The following MZT2A variants were observed in gnomAD, a reference collection of about 807,000 sequenced individuals.
MZT2A encodes the protein mitotic spindle organizing protein 2A, also known as mitotic-spindle organizing protein 2A.
A neutral mutation model predicts 12.4 loss-of-function variants in MZT2A; 8 were observed. The ratio of observed to expected loss-of-function variants is 0.64; its 90% confidence interval spans 0.38 to 1.16. The LOEUF (loss-of-function observed/expected upper bound fraction) is 1.16, where lower values mean the gene tolerates loss of function less well. MZT2A is among the 50% of genes most tolerant of loss of function. The probability of loss-of-function intolerance (pLI) is 0.01; values close to 1 mark genes in which losing one functional copy is unlikely to be tolerated. For missense variants in MZT2A, 181 were observed against 223.6 expected (o/e 0.81, Z 1.22); for synonymous variants, 88 against 107.5 (o/e 0.82, Z 1.12).
chr2:131,478,229 G>C (rs1209645655), intron 2 of MZT2A: 1 of 1,614,114 alleles, frequency 6.2e-7, no homozygotes, highest in Non-Finnish European at 8.5e-7. Flanking sequence ...GCTGGGAACT[G>C]TACTGCCTTG....
intron 2 of MZT2A, chr2:131,476,253 G>A (rs373864477): frequency 1.1e-4 from 185 of 1,613,408 alleles, no homozygotes; most frequent in Non-Finnish European, 1.5e-4. Flanking sequence ...GACGAAGTTG[G>A]CCTCGGGTGG....
intron 2 of MZT2A, chr2:131,476,174 G>A: frequency 2.5e-6 from 4 of 1,613,862 alleles, no homozygotes; most frequent in Admixed American, 1.7e-5. Context: ...TGGCAGTAGC[G>A]TTGGGCTGAA....
intron 2 of MZT2A, chr2:131,490,480 G>A (rs1679246487): frequency 7.1e-7 from 1 of 1,406,104 alleles, no homozygotes; most frequent in Non-Finnish European, 9.3e-7. Context: ...TGGGGTGTGG[G>A]GATGTTGGTC....
At chr2:131,492,546 G>C, upstream of MZT2A, 1 of 1,137,332 alleles carries the variant, frequency 8.8e-7, no homozygotes, top group South Asian at 3.3e-5. Context: ...CCAACAGTTA[G>C]TGGGCGCTCA....
intron 3 of MZT2A, among the ~76,000 whole-genome samples, chr2:131,471,342 A>G (rs1704980758): frequency 7.1e-6 from 1 of 140,232 alleles, no homozygotes; most frequent in South Asian, 2.1e-4. Flanking sequence ...CTACAGGTCC[A>G]AGGACTTCAG....
chr2:131,492,144 G>A lies in MZT2A; in HGVS notation c.170+63C>T, dbSNP rs531990040. ...GCTCCTCCCGACCAGCGGGCCGGGCGTACCCGGAGAGCAGAGGTCGGGGGT... is the reference window on the plus strand; with the variant it reads ...GCTCCTCCCGACCAGCGGGCCGGGCATACCCGGAGAGCAGAGGTCGGGGGT... On this transcript the variant is annotated intron_variant, in intron 1 of 2. Transcript: ENST00000309451. 1,193 of 1,538,180 alleles carry A rather than the reference G, an allele frequency of 7.8e-4. 10 individuals carry two copies. In the African/African-American group the frequency reaches 0.015, roughly 19 times the overall value.
Position 131,490,365 on chromosome 2 carries a change from G to C in MZT2A, c.319+1511C>G. The stretch of plus-strand genomic sequence containing the variant: ...TAGGGGACAACTTCTAAGAGGCCGA[G>C]GCGTTTGTCACGCCTGGGGCTGTGC... On this transcript the variant is annotated intron_variant, in intron 2 of 2. Coordinates refer to ENST00000309451, the MANE Select transcript of MZT2A (RefSeq NM_001085365.2). The C allele has an allele frequency of 1.4e-5, 15 of 1,092,782 alleles. 1 individual carries two copies. The highest frequency in any genetic ancestry group is 1.7e-5 in the Non-Finnish European group (15 of 880,104). The allele number at this position is 1,092,782 out of a possible 1,614,324, so 67.7% of individuals were successfully genotyped here.
intron 2 of MZT2A, chr2:131,476,001 C>A: frequency 1.0e-6 from 1 of 962,932 alleles, no homozygotes; most frequent in South Asian, 1.6e-5. Context: ...CCCCAGTACA[C>A]ATGTTGAGCA....
chr2:131,483,230 G>A (rs1484038125), downstream of MZT2A, among the ~76,000 whole-genome samples: 1 of 152,212 alleles, frequency 6.6e-6, no homozygotes, highest in Non-Finnish European at 1.5e-5. Flanking sequence ...GGCTAAAAGG[G>A]AGACTAGAAG....
downstream of MZT2A, among the ~76,000 whole-genome samples, chr2:131,482,153 T>C (rs1031623988): frequency 2.0e-5 from 3 of 152,208 alleles, no homozygotes; most frequent in Non-Finnish European, 4.4e-5. Flanking sequence ...TGATGTTCCT[T>C]GTGATAGCAT....
At chr2:131,488,848 G>A (rs1679164678) in intron 2 of MZT2A, among the ~76,000 whole-genome samples, 1 of 152,090 alleles carries the variant, frequency 6.6e-6, no homozygotes, top group Non-Finnish European at 1.5e-5. Context: ...AGAAACAAAT[G>A]ACCCTGAGGG....
At chr2:131,476,497 G>A (rs1253938206) in intron 2 of MZT2A, among the ~76,000 whole-genome samples, 2 of 152,206 alleles carry the variant, frequency 1.3e-5, no homozygotes, top group Non-Finnish European at 2.9e-5. Context: ...GGAGGGCGCT[G>A]CTCCCGCTTC....
rs376172372 is a variant in MZT2A, at chr2:131,484,247, G to A, written c.320-29C>T. The A allele has an allele frequency of 6.3e-5, 102 of 1,607,200 alleles. No homozygotes were observed. The African/African-American group carries it at 1.1e-3, about 18-fold the overall frequency. ...AGGAGACACAAAGCACAATGATTAGGAATGGACGCGCCCCATAAATGCAGC... is the reference window on the plus strand; with the variant it reads ...AGGAGACACAAAGCACAATGATTAGAAATGGACGCGCCCCATAAATGCAGC... On this transcript the variant is annotated intron_variant, in intron 2 of 2. Transcript: ENST00000309451.
At chr2:131,483,929 TAAAA>T (rs59953699), downstream of MZT2A, 58 of 1,301,234 alleles carry the variant, frequency 4.5e-5, no homozygotes, top group East Asian at 5.1e-4. Flanking sequence ...TGCCTTAATA[TAAAA>T]AAAAAAAAAA....
At chr2:131,491,010 T>A in intron 2 of MZT2A, 1 of 1,455,662 alleles carries the variant, frequency 6.9e-7, no homozygotes, top group Non-Finnish European at 9.4e-7. Flanking sequence ...GCCCTGGCAC[T>A]TCCCCCATGA....
downstream of MZT2A, chr2:131,480,833 G>C: frequency 6.5e-7 from 1 of 1,547,426 alleles, no homozygotes; most frequent in Non-Finnish European, 8.8e-7. Context: ...ATCCTTTGGG[G>C]AGATTATCCC....
At position 131,491,758 on chromosome 2, in the gene MZT2A, T is replaced by C. The variant is rs941873253; in HGVS notation, c.319+118A>G. On this transcript the variant is annotated intron_variant, in intron 2 of 2. Transcript: ENST00000309451. ...GGATGGGCCCTGCAGGTGCTGGGCC[T>C]AGACCGACCGACAGACAGGCCTGGC... is the stretch of plus-strand genomic sequence containing the variant. 100 of 1,409,492 alleles carry C rather than the reference T, an allele frequency of 7.1e-5. 1 individual carries two copies. In the African/African-American group the frequency reaches 1.5e-3, roughly 20 times the overall value. The allele number at this position is 1,409,492 out of a possible 1,614,324, so 87.3% of individuals were successfully genotyped here. A position where few individuals can be genotyped will look rare whatever the true frequency, so the allele number is the denominator to read the frequency against.
chr2:131,482,463 A>G, downstream of MZT2A: 12 of 1,526,592 alleles, frequency 7.9e-6, no homozygotes, highest in South Asian at 1.6e-4. Context: ...CGTGTCACCT[A>G]CAGGGTGTCT....
chr2:131,492,845 G>A (rs1411289706), upstream of MZT2A: 7 of 1,480,202 alleles, frequency 4.7e-6, no homozygotes, highest in Admixed American at 2.1e-5. Context: ...TTGCTAGGGA[G>A]AAAGTGCGTG....
Sources: gnomAD v4.1 joint callset for allele counts (sites outside exome capture counted in the v4.1 genomes callset) on GRCh38, gnomAD v4.1.1 for gene constraint, MANE v1.5 for transcripts, NCBI Gene and HGNC (gene_info 2026-07-23, HGNC 2026-07-21) for gene names.